The following MUC4 variants were observed in gnomAD, a reference collection of about 807,000 sequenced individuals.
MUC4 encodes the protein mucin 4, cell surface associated.
In MUC4, 202 loss-of-function variants were observed where a neutral mutation model predicts 257.9. The observed-to-expected ratio is 0.78, with a 90% CI of 0.70 to 0.88. The LOEUF (loss-of-function observed/expected upper bound fraction) is 0.88, where lower values mean the gene tolerates loss of function less well. MUC4 is among the 40% of genes least tolerant of loss of function. The probability of loss-of-function intolerance (pLI) is 0.00; values close to 1 mark genes in which losing one functional copy is unlikely to be tolerated. For missense variants in MUC4, 5,976 were observed against 6,513.7 expected (o/e 0.92, Z 2.84); for synonymous variants, 2,351 against 2,757.1 (o/e 0.85, Z 4.62).
chr3:195,753,890 C>T (rs959619129), intron 19 of MUC4: 4 of 328,304 alleles, frequency 1.2e-5, no homozygotes, highest in African/African-American at 4.3e-5. Context: ...AAGTCTCCTC[C>T]CCAAACCATC....
intron 19 of MUC4, 99 bp from the exon 20 acceptor site, chr3:195,753,329 G>T: frequency 7.7e-7 from 1 of 1,291,004 alleles, no homozygotes; most frequent in African/African-American, 1.5e-5. Context: ...CTTTCCCCCA[G>T]TGTTCCACTT....
chr3:195,761,199 A>G, intron 15 of MUC4, 82 bp from the exon 16 acceptor site: 5 of 1,369,958 alleles, frequency 3.6e-6, no homozygotes, highest in Non-Finnish European at 5.2e-6. Context: ...CTCACTTTAG[A>G]TGGCTTGGAG....
chr3:195,789,168 G>C lies in MUC4; in HGVS notation c.2412C>G (p.Thr804=), dbSNP rs377036013. Residue 804 remains threonine (T), a synonymous_variant, in exon 2 of 25, where the codon ACC becomes ACG. Coordinates refer to ENST00000463781, the MANE Select transcript of MUC4 (RefSeq NM_018406.7). Reference sequence around the variant, plus strand: ...TGCCACTCGCCCCGGATGAGGAAGGGGTAGCTGTGCCCGCTGAGGTGGTTC... The same window carrying C: ...TGCCACTCGCCCCGGATGAGGAAGGCGTAGCTGTGCCCGCTGAGGTGGTTC... The part of the protein sequence containing the change: ...GSRTTSAGTA[T]PSSSGASGTT... 23 of 1,613,708 alleles carry C rather than the reference G, an allele frequency of 1.4e-5. No homozygotes were observed. Among genetic ancestry groups the C allele is most frequent in the Non-Finnish European group, 1.8e-5 (21 of 1,179,844 alleles).
Position 195,769,143 on chromosome 3 carries a change from AG to A in MUC4, c.13407del (p.Tyr4470ThrfsTer51). On this transcript the variant is annotated frameshift_variant, in exon 7 of 25. Transcript: ENST00000463781. LOFTEE classifies it high-confidence loss of function. ...YPAQWTLGSN[T>X]YQAILSTDGS... ...CCGTCCGTGGAGAGGATGGCTTGGT[AG>A]GTGTTGCTCTGGGGGTGGGTGGAAG... 6.2e-7 allele frequency: 1 copy of A among 1,614,034 alleles called. No homozygotes were observed. Among genetic ancestry groups the A allele is most frequent in the Non-Finnish European group, 8.5e-7 (1 of 1,179,958 alleles).
In MUC4 at chr3:195,788,952, G is replaced by C; in HGVS notation, c.2628C>G (p.Leu876=). 1 of 1,613,658 alleles carries C rather than the reference G, an allele frequency of 6.2e-7. No homozygotes were observed. Among genetic ancestry groups the C allele is most frequent in the Non-Finnish European group, 8.5e-7 (1 of 1,179,740 alleles). The part of the protein sequence containing the change: ...SIVPGTFHPT[L]SEASTAGRPT... ...GTCTCCCTGCAGTGGAGGCCTCAGA[G>C]AGGGTGGGATGAAAGGTGCCGGGGA... Residue 876 remains leucine (L), a synonymous_variant, in exon 2 of 25, where the codon CTC becomes CTG. Coordinates refer to ENST00000463781, the MANE Select transcript of MUC4 (RefSeq NM_018406.7).
chr3:195,811,003 G>C (rs193083865), intron 1 of MUC4, among the ~76,000 whole-genome samples: 3 of 151,868 alleles, frequency 2.0e-5, no homozygotes, highest in Non-Finnish European at 2.9e-5. Flanking sequence ...ACATCGCCGG[G>C]CTGCTCTCTG....
chr3:195,809,121 A>G (rs1383987515), intron 1 of MUC4, among the ~76,000 whole-genome samples: 1 of 152,122 alleles, frequency 6.6e-6, no homozygotes, highest in East Asian at 1.9e-4. Flanking sequence ...CGACCAGTAG[A>G]CACCAAATTT....
At chr3:195,752,909 T>C in intron 20 of MUC4, 142 bp downstream of exon 20, 1 of 816,374 alleles carries the variant, frequency 1.2e-6, no homozygotes, top group South Asian at 1.9e-5. Flanking sequence ...GCCCGCACCT[T>C]ACACCATCCC....
rs918776384 is a variant in MUC4 at position 195,757,925 on chromosome 3, G to C, written c.14987-597C>G. On this transcript the variant is annotated intron_variant, in intron 17 of 24. Coordinates refer to ENST00000463781, the MANE Select transcript of MUC4 (RefSeq NM_018406.7). The surrounding 1 kb of genome is among the most constrained non-coding windows in gnomAD (Gnocchi z 4.8). ...AGACGAACGTAATTTCCAGACCATC[G>C]TCCTTCAGGGGTGGGGCCCGTGGAG... is the stretch of plus-strand genomic sequence containing the variant. Among the ~76,000 whole-genome samples the C allele has an allele frequency of 6.6e-6, 1 of 152,178 alleles. No homozygotes were observed. Among genetic ancestry groups the C allele is most frequent in the Non-Finnish European group, 1.5e-5 (1 of 68,036 alleles).
At position 195,780,573 on chromosome 3, in the gene MUC4, G is replaced by GCT; in HGVS notation, c.11006_11007insAG (p.Asp3669GlufsTer591). The GCT allele has an allele frequency of 1.1e-6, 1 of 911,320 alleles. No individual in the cohort carries two copies. The highest frequency in any genetic ancestry group is 2.1e-5 in the South Asian group (1 of 46,972). The allele number at this position is 911,320 out of a possible 1,614,324, so 56.5% of individuals were successfully genotyped here. The stretch of plus-strand genomic sequence containing the variant: ...TGTCACCTGTGGATGCTGAGGAAGT[G>GCT]TCGGTGACAGGAAGAGGGGTGGCGT... On this transcript the variant is annotated frameshift_variant, in exon 2 of 25. Coordinates refer to ENST00000463781, the MANE Select transcript of MUC4 (RefSeq NM_018406.7). LOFTEE classifies it high-confidence loss of function.
intron 7 of MUC4, among the ~76,000 whole-genome samples, chr3:195,767,719 CA>C (rs1560263993): frequency 2.9e-4 from 12 of 41,432 alleles, no homozygotes; most frequent in Admixed American, 7.8e-4. Context: ...CATCGGCCAC[CA>C]CCACCATCAC....
rs200706465 is a variant in MUC4, at chr3:195,779,602, A to T, written c.11978T>A (p.Val3993Glu). The T allele has an allele frequency of 1.1e-5, 8 of 753,102 alleles. 1 individual carries two copies. Among genetic ancestry groups the T allele is most frequent in the African/African-American group, 1.1e-4 (2 of 18,464 alleles). The allele number at this position is 753,102 out of a possible 1,614,324, so 46.7% of individuals were successfully genotyped here. A position where few individuals can be genotyped will look rare whatever the true frequency, so the allele number is the denominator to read the frequency against. ...TPLPVTDTSSVSTGHATPLPV... is the reference protein window; with the variant it reads ...TPLPVTDTSSESTGHATPLPV... ...AAGAGGGGTGGCGTGACCTGTGGAT[A>T]CTGAGGAAGTGTCGGTGACAGGAAG... Residue 3993 changes from valine to glutamate, a missense_variant, in exon 2 of 25, where the codon GTA (valine) becomes GAA (glutamate). By Grantham distance (121) the Val-to-Glu change is moderately radical (BLOSUM62 -2). Coordinates refer to ENST00000463781, the MANE Select transcript of MUC4 (RefSeq NM_018406.7).
intron 1 of MUC4, among the ~76,000 whole-genome samples, chr3:195,801,185 C>G (rs569692586): frequency 6.6e-6 from 1 of 152,190 alleles, no homozygotes; most frequent in Non-Finnish European, 1.5e-5. Context: ...TTGGCTCTCA[C>G]CAGGATGCAA....
In MUC4 at chr3:195,779,907, G is replaced by T. The variant is rs76412708; in HGVS notation, c.11673C>A (p.Val3891=). ...GTGTGGATGCTGAGGAAGTGTCGGTGACAGGAAGAGGGGTGGTGTCACCTG... is the reference window on the plus strand; with the variant it reads ...GTGTGGATGCTGAGGAAGTGTCGGTTACAGGAAGAGGGGTGGTGTCACCTG... ...ASTGDTTPLP[V]TDTSSASTRH... The change falls in exon 2 of 25, where the codon GTC becomes GTA. Residue 3891 remains valine (V), a synonymous_variant. Transcript: ENST00000463781. 2 of 1,377,844 alleles carry T rather than the reference G, an allele frequency of 1.5e-6. 1 individual carries two copies. The highest frequency in any genetic ancestry group is 1.9e-6 in the Non-Finnish European group (2 of 1,050,358). 85.4% of individuals were successfully genotyped at this position (1,377,844 alleles called of 1,614,324 possible). A position where few individuals can be genotyped will look rare whatever the true frequency, so the allele number is the denominator to read the frequency against.
chr3:195,783,832 G>C lies in MUC4; in HGVS notation c.7748C>G (p.Ser2583Cys). Reference sequence around the variant, plus strand: ...GGTGGTGTCACCTGTGGATGCTGAGGAAGTGCTGGTGACAGGAAGAGGGGT... The same window carrying C: ...GGTGGTGTCACCTGTGGATGCTGAGCAAGTGCTGGTGACAGGAAGAGGGGT... ...HATPLPVTST[S>C]SASTGDTTPL... Residue 2583 changes from serine to cysteine, a missense_variant, in exon 2 of 25, where the codon TCC (serine) becomes TGC (cysteine). Transcript: ENST00000463781. The C allele has an allele frequency of 1.3e-6, 2 of 1,483,236 alleles. No homozygotes were observed. The highest frequency in any genetic ancestry group is 1.8e-6 in the Non-Finnish European group (2 of 1,100,022). 91.9% of individuals were successfully genotyped at this position (1,483,236 alleles called of 1,614,324 possible). A position where few individuals can be genotyped will look rare whatever the true frequency, so the allele number is the denominator to read the frequency against.
At chr3:195,800,694 T>C (rs151159908) in intron 1 of MUC4, among the ~76,000 whole-genome samples, 1 of 152,268 alleles carries the variant, frequency 6.6e-6, no homozygotes, top group East Asian at 1.9e-4. Flanking sequence ...GTATGACCTA[T>C]CTTTACAAAG....
At position 195,751,091 on chromosome 3, in the gene MUC4, C is replaced by T. The variant is rs748782951; in HGVS notation, c.15669G>A (p.Ser5223=). The change falls in exon 23 of 25, where the codon TCG becomes TCA. Residue 5223 remains serine, a synonymous_variant. Transcript: ENST00000463781. ...CCATCCAGTGTTGGATGGGGCTTCCCGAGGCCGGTGCTGCAGAATCGCTGT... is the reference window on the plus strand; with the variant it reads ...CCATCCAGTGTTGGATGGGGCTTCCTGAGGCCGGTGCTGCAGAATCGCTGT... ...VERIDSAAPA[S]GSPIQHWMVI... is the part of the protein sequence containing the mutation. 60 of 1,365,576 alleles carry T rather than the reference C, an allele frequency of 4.4e-5. No individual in the cohort carries two copies. The East Asian group carries it at 5.5e-4, about 13-fold the overall frequency. 84.6% of individuals were successfully genotyped at this position (1,365,576 alleles called of 1,614,324 possible). A position where few individuals can be genotyped will look rare whatever the true frequency, so the allele number is the denominator to read the frequency against.
chr3:195,754,902 T>TATCC (rs1491405692), intron 18 of MUC4, among the ~76,000 whole-genome samples: 1 of 46,780 alleles, frequency 2.1e-5, no homozygotes, highest in African/African-American at 9.6e-5. Flanking sequence ...TCCATGTATG[T>TATCC]ATGTGTGTGT....
chr3:195,763,411 G>A (rs1404774516), intron 12 of MUC4, 22 bp downstream of exon 12: 1 of 1,401,970 alleles, frequency 7.1e-7, no homozygotes, highest in Non-Finnish European at 9.3e-7. Flanking sequence ...ATGCAGGGAG[G>A]TTCCCGGCAC....
Sources: allele counts gnomAD v4.1 joint callset (sites outside exome capture counted in the v4.1 genomes callset), GRCh38; gene constraint gnomAD v4.1.1; non-coding constraint Gnocchi (gnomAD v3.1); transcripts MANE v1.5; gene names NCBI Gene and HGNC (gene_info 2026-07-23, HGNC 2026-07-21).